CACNA1D: variants seen among roughly 807,000 people sequenced by gnomAD.
CACNA1D encodes voltage-dependent L-type calcium channel subunit alpha-1D.
CACNA1D carries 55 observed loss-of-function variants against 257.1 expected under a neutral mutation model. That is an observed-to-expected ratio of 0.21 (90% CI 0.17 to 0.27). The LOEUF is 0.27. Among genes scored for constraint, CACNA1D ranks in the 10% least tolerant of loss-of-function variants. CACNA1D has a pLI of 1.00. For missense variants in CACNA1D, 1,876 were observed against 2,784.0 expected (o/e 0.67, Z 7.34); for synonymous variants, 980 against 1,014.9 (o/e 0.97, Z 0.65).
chr3:53,680,536 A>T (rs62621128), intron 8 of CACNA1D, among the ~76,000 whole-genome samples: 9,033 of 152,010 alleles, frequency 0.059, 332 homozygotes, highest in Non-Finnish European at 0.072. Flanking sequence ...GAGGTTGTTG[A>T]GGGTATTAGT....
intron 3 of CACNA1D, among the ~76,000 whole-genome samples, chr3:53,507,444 C>T (rs1034482362): frequency 3.3e-5 from 5 of 150,784 alleles, no homozygotes; most frequent in South Asian, 2.2e-4. Flanking sequence ...TTCCATGTCT[C>T]CCCCCGCCAA....
chr3:53,779,558 C>A (rs1215517996), intron 37 of CACNA1D, among the ~76,000 whole-genome samples: 2 of 152,138 alleles, frequency 1.3e-5, no homozygotes, highest in Non-Finnish European at 2.9e-5. Flanking sequence ...GTGTTGGTGT[C>A]CACTCTGAGT....
At chr3:53,716,951 GC>G (rs1346905568) in intron 9 of CACNA1D, among the ~76,000 whole-genome samples, 2 of 152,206 alleles carry the variant, frequency 1.3e-5, no homozygotes, top group Non-Finnish European at 2.9e-5. Flanking sequence ...GCCGAACACA[GC>G]CCCCTACGCG....
At chr3:53,610,810 T>A (rs1383297511) in intron 3 of CACNA1D, among the ~76,000 whole-genome samples, 2 of 152,244 alleles carry the variant, frequency 1.3e-5, no homozygotes, top group African/African-American at 4.8e-5. Flanking sequence ...GTCTTCTCTG[T>A]ATACGTGTAT....
chr3:53,531,688 A>T (rs2091956532), intron 3 of CACNA1D, among the ~76,000 whole-genome samples: 1 of 152,134 alleles, frequency 6.6e-6, no homozygotes, highest in Admixed American at 6.5e-5. Context: ...CTCTGTTTGA[A>T]TTTCTGAATT....
intron 8 of CACNA1D, among the ~76,000 whole-genome samples, chr3:53,682,669 A>G (rs551352548): frequency 6.6e-6 from 1 of 152,272 alleles, no homozygotes; most frequent in South Asian, 2.1e-4. Flanking sequence ...GGATGTTTGA[A>G]ATTCTTCCTA....
rs1203995448 is a variant in CACNA1D, at chr3:53,789,351, A to T, written c.4923+2399A>T. On this transcript the variant is annotated intron_variant, in intron 40 of 47. Transcript: ENST00000350061. The surrounding 1 kb of genome is among the most constrained non-coding windows in gnomAD (Gnocchi z 4.2). ...TGATTCTGAAACATTAAACATAGAC[A>T]TTTTTTTTGTCTCCTTGAAGGATAA... 6.6e-6 allele frequency among the ~76,000 whole-genome samples: 1 copy of T among 152,038 alleles called. No homozygotes were observed. The highest frequency in any genetic ancestry group is 1.5e-5 in the Non-Finnish European group (1 of 67,988).
rs938758134 is a variant in CACNA1D at position 53,669,084 on chromosome 3, C to A, written c.1116+2549C>A. On this transcript the variant is annotated intron_variant, in intron 7 of 47. Transcript: ENST00000350061. ...TGAATCCTTCCAGAACACTAGGGGG[C>A]AGCTAAGTAATGTCTTCCCGACTGT... is the stretch of plus-strand genomic sequence containing the variant. Among the ~76,000 whole-genome samples the A allele has an allele frequency of 3.3e-5, 5 of 152,234 alleles. No homozygotes were observed. In the South Asian group the frequency reaches 1.0e-3, roughly 31 times the overall value.
Position 53,658,441 on chromosome 3 carries a change from G to A in CACNA1D, c.624-1692G>A, listed in dbSNP as rs746229705. 1.3e-5 allele frequency among the ~76,000 whole-genome samples: 2 copies of A among 152,326 alleles called. 1 individual carries two copies. ...TCTCTCTGACTTGGCCTCTTTGGTG[G>A]CAAGAGAGAGACATTTTTCATGTGT... is the stretch of plus-strand genomic sequence containing the variant. On this transcript the variant is annotated intron_variant, in intron 4 of 47. Coordinates refer to ENST00000350061, the MANE Select transcript of CACNA1D (RefSeq NM_001128840.3).
At chr3:53,601,785 A>C (rs1178706187) in intron 3 of CACNA1D, among the ~76,000 whole-genome samples, 3 of 152,140 alleles carry the variant, frequency 2.0e-5, no homozygotes, top group African/African-American at 4.8e-5. Flanking sequence ...GTCTTGGCTC[A>C]CTGCAACCTC....
chr3:53,589,370 C>T (rs1166392593), intron 3 of CACNA1D, among the ~76,000 whole-genome samples: 4 of 152,070 alleles, frequency 2.6e-5, no homozygotes, highest in African/African-American at 4.8e-5. Flanking sequence ...TCTGTGAGCT[C>T]TCAGCCGTCC....
chr3:53,736,038 G>A (rs576177097), intron 20 of CACNA1D, among the ~76,000 whole-genome samples: 2 of 152,210 alleles, frequency 1.3e-5, no homozygotes, highest in Non-Finnish European at 2.9e-5. Flanking sequence ...AAGTTGAGGT[G>A]TTCAGTGGAG....
intron 3 of CACNA1D, among the ~76,000 whole-genome samples, chr3:53,529,243 C>T (rs2091868588): frequency 6.6e-6 from 1 of 152,104 alleles, no homozygotes; most frequent in South Asian, 2.1e-4. Flanking sequence ...TGTCAAATGT[C>T]TTTTCTACAT....
intron 9 of CACNA1D, among the ~76,000 whole-genome samples, 169 bp downstream of exon 9, chr3:53,702,979 C>T (rs2094642714): frequency 6.6e-6 from 1 of 152,106 alleles, no homozygotes; most frequent in Non-Finnish European, 1.5e-5. Context: ...TGCATTGGTG[C>T]TGACTCTGGA....
chr3:53,769,677 G>A (rs926283967), intron 30 of CACNA1D, among the ~76,000 whole-genome samples: 2 of 152,222 alleles, frequency 1.3e-5, no homozygotes, highest in Non-Finnish European at 2.9e-5. Context: ...AGAAGCGGGG[G>A]CACACTCTGC....
rs2095230153 is a variant in CACNA1D at position 53,751,977 on chromosome 3, GGTGGAATGCTGCCCCT to G, written c.3675+71_3675+86del. 1 of 1,469,472 alleles carries G rather than the reference GGTGGAATGCTGCCCCT, an allele frequency of 6.8e-7. No homozygotes were observed. Among genetic ancestry groups the G allele is most frequent in the Non-Finnish European group, 9.5e-7 (1 of 1,048,804 alleles). 91.0% of individuals were successfully genotyped at this position (1,469,472 alleles called of 1,614,324 possible). On this transcript the variant is annotated intron_variant, in intron 28 of 47. Transcript: ENST00000350061. This position sits in a 1 kb window ranked among gnomAD's most constrained non-coding sequence, Gnocchi z 4.3. ...ACAGCCCCGTGCCCCAAATGCTGAGGGTGGAATGCTGCCCCTCACAGGAGGGGTTTGATTTTTCTGA... is the reference window on the plus strand; with the variant it reads ...ACAGCCCCGTGCCCCAAATGCTGAGGCACAGGAGGGGTTTGATTTTTCTGA...
intron 8 of CACNA1D, among the ~76,000 whole-genome samples, chr3:53,699,731 A>T (rs2094603144): frequency 6.6e-6 from 1 of 152,170 alleles, no homozygotes; most frequent in African/African-American, 2.4e-5. Context: ...ACTGTCTAAA[A>T]TCAGTTCAGA....
At chr3:53,794,241 T>C (rs927063958) in intron 40 of CACNA1D, among the ~76,000 whole-genome samples, 1 of 152,226 alleles carries the variant, frequency 6.6e-6, no homozygotes, top group Non-Finnish European at 1.5e-5. Context: ...ATTCACCTAG[T>C]GTCCTTTGGC....
At chr3:53,566,226 A>T (rs2092832970) in intron 3 of CACNA1D, among the ~76,000 whole-genome samples, 1 of 152,124 alleles carries the variant, frequency 6.6e-6, no homozygotes, top group Non-Finnish European at 1.5e-5. Flanking sequence ...AGAATATGTG[A>T]TCTGCCAGTG....
Sources: gnomAD v4.1 joint callset for allele counts (sites outside exome capture counted in the v4.1 genomes callset) on GRCh38, gnomAD v4.1.1 for gene constraint, Gnocchi (gnomAD v3.1) non-coding constraint, MANE v1.5 for transcripts, NCBI Gene and HGNC (gene_info 2026-07-23, HGNC 2026-07-21) for gene names.